Variants in ACOX1 observed in about 807,000 individuals in gnomAD.
ACOX1 encodes peroxisomal acyl-coenzyme A oxidase 1.
In ACOX1, 41 loss-of-function variants were observed where a neutral mutation model predicts 75.5. The ratio of observed to expected loss-of-function variants is 0.54; its 90% CI spans 0.42 to 0.70. ACOX1 has a LOEUF of 0.70. ACOX1 is among the 30% of genes least tolerant of loss of function. The probability of loss-of-function intolerance (pLI) is 0.00; values close to 1 mark genes in which losing one functional copy is unlikely to be tolerated. For synonymous variants in ACOX1, 303 were observed against 298.8 expected (o/e 1.01, Z -0.15); for missense variants, 630 against 837.5 (o/e 0.75, Z 3.06).
Position 75,979,089 on chromosome 17 carries a change from G to T in ACOX1, c.-16C>A. 6.2e-7 allele frequency: 1 copy of T among 1,610,100 alleles called. No homozygotes were observed. ...CCGGGTTCATGGCGACGACCAGCTG[G>T]CAGCGAAGTAAGCACCGACCGAGGT... On this transcript the variant is annotated 5_prime_UTR_variant, in exon 1 of 14. Transcript: ENST00000293217.
chr17:75,965,337 C>CAAAAAAAAAAAAA (rs11293371), intron 2 of ACOX1, among the ~76,000 whole-genome samples: 1 of 81,700 alleles, frequency 1.2e-5, no homozygotes, highest in African/African-American at 4.0e-5. Context: ...GACTCTGTCT[C>CAAAAAAAAAAAAA]AAAAAAAAAA....
intron 2 of ACOX1, among the ~76,000 whole-genome samples, chr17:75,969,551 G>C (rs536472428): frequency 6.6e-6 from 1 of 152,276 alleles, no homozygotes; most frequent in East Asian, 1.9e-4. Context: ...AGTCTCATGA[G>C]AAGTCCAACA....
At chr17:75,954,340 G>A (rs1184459743) in intron 6 of ACOX1, among the ~76,000 whole-genome samples, 1 of 151,502 alleles carries the variant, frequency 6.6e-6, no homozygotes, top group Non-Finnish European at 1.5e-5. Context: ...GGCCAACAGG[G>A]TGAAACCCCA....
In ACOX1 at chr17:75,943,724, C is replaced by G. The variant is rs188995260; in HGVS notation, c.*3024G>C. On this transcript the variant is annotated 3_prime_UTR_variant, in exon 14 of 14. Transcript: ENST00000293217. ...AGACAAGAACATGAGGGCCCCAAAG[C>G]CTGTGTCATCAACTCTGCTTTGAGG... 5 of 152,278 alleles carry G rather than the reference C, an allele frequency of 3.3e-5. No individual in the cohort carries two copies. The highest frequency in any genetic ancestry group is 9.6e-5 in the African/African-American group (4 of 41,556). The allele number at this position is 152,278 out of a possible 1,614,324, so 9.4% of individuals were successfully genotyped here.
intron 7 of ACOX1, 104 bp downstream of exon 7, chr17:75,953,347 G>T: frequency 1.5e-6 from 2 of 1,320,586 alleles, no homozygotes; most frequent in African/African-American, 1.4e-5. Context: ...AGCCAATTTT[G>T]CAGTGCTAAT....
At chr17:75,947,622 G>A (rs1194860901) in intron 13 of ACOX1, among the ~76,000 whole-genome samples, 2 of 152,044 alleles carry the variant, frequency 1.3e-5, no homozygotes, top group Non-Finnish European at 2.9e-5. Flanking sequence ...GATAGTCATT[G>A]CTGCTAGACA....
Position 75,946,302 on chromosome 17 carries a change from G to A in ACOX1, c.*446C>T. 5.1e-6 allele frequency: 1 copy of A among 195,016 alleles called. No individual in the cohort carries two copies. The highest frequency in any genetic ancestry group is 8.3e-5 in the South Asian group (1 of 12,018). 12.1% of individuals were successfully genotyped at this position (195,016 alleles called of 1,614,324 possible). A position where few individuals can be genotyped will look rare whatever the true frequency, so the allele number is the denominator to read the frequency against. The stretch of plus-strand genomic sequence containing the variant: ...TTTCTTCAATCCTGCTTTTAAGCCA[G>A]GCCCCAGGGTAAGTCTGGTAGAACA... On this transcript the variant is annotated 3_prime_UTR_variant, in exon 14 of 14. Coordinates refer to ENST00000293217, the MANE Select transcript of ACOX1 (RefSeq NM_004035.7).
chr17:75,979,001 C>G lies in ACOX1; in HGVS notation c.73G>C (p.Gly25Arg). The G allele has an allele frequency of 1.2e-6, 2 of 1,611,734 alleles. No individual in the cohort carries two copies. Among genetic ancestry groups the G allele is most frequent in the Non-Finnish European group, 1.7e-6 (2 of 1,179,992 alleles). ...NPELLTHILD[G>R]SPEKTRRRRE... ...CGGCGCCGGGTTTTCTCGGGGCTGC[C>G]GTCCAGGATGTGTGTAAGCAGCTCC... Residue 25 changes from glycine to arginine, a missense_variant, in exon 1 of 14, where the codon GGC becomes CGC. This residue lies in a region of ACOX1 where 390 missense variants were observed against 574.9 expected (regional missense o/e 0.68). Transcript: ENST00000293217.
intron 2 of ACOX1, among the ~76,000 whole-genome samples, chr17:75,966,523 G>A (rs1243369215): frequency 6.6e-6 from 1 of 151,540 alleles, no homozygotes; most frequent in Non-Finnish European, 1.5e-5. Flanking sequence ...AAAAGTCTTG[G>A]CTGGGCACGG....
rs902415755 is a variant in ACOX1, at chr17:75,973,840, A to G, written c.269+4694T>C. ...CCTTCCTTTAGAAACTGCATCCTAC[A>G]ACCCCTTCTTGCCAAACAGCTTTGG... On this transcript the variant is annotated intron_variant, in intron 2 of 13. Coordinates refer to ENST00000293217, the MANE Select transcript of ACOX1 (RefSeq NM_004035.7). The G allele has an allele frequency of 3.8e-6, 6 of 1,578,708 alleles. No homozygotes were observed. The Admixed American group carries it at 1.0e-4, about 27-fold the overall frequency.
chr17:75,967,621 T>TATAC (rs1567885004), intron 2 of ACOX1, among the ~76,000 whole-genome samples: 6 of 91,982 alleles, frequency 6.5e-5, no homozygotes, highest in African/African-American at 6.4e-4. Flanking sequence ...TATACATACA[T>TATAC]ATATATATAC....
intron 2 of ACOX1, among the ~76,000 whole-genome samples, chr17:75,976,838 A>G (rs1037083348): frequency 2.6e-5 from 4 of 152,134 alleles, no homozygotes; most frequent in African/African-American, 9.7e-5. Context: ...CATACGATTT[A>G]GTCTTTACCG....
At chr17:75,972,991 A>G (rs1414879013) in intron 2 of ACOX1, among the ~76,000 whole-genome samples, 1 of 152,218 alleles carries the variant, frequency 6.6e-6, no homozygotes, top group Non-Finnish European at 1.5e-5. Flanking sequence ...GGCCTTGTCT[A>G]TGAAAACAAA....
At position 75,978,873 on chromosome 17, in the gene ACOX1, A is replaced by G; in HGVS notation, c.109+92T>C. The G allele has an allele frequency of 6.3e-7, 1 of 1,598,886 alleles. No individual in the cohort carries two copies. Among genetic ancestry groups the G allele is most frequent in the South Asian group, 1.1e-5 (1 of 90,890 alleles). ...CCCGGCTCCCCTAACGCTGGGCCAG[A>G]GGGCCTAGGCCCCACAGCGCCCCTG... On this transcript the variant is annotated intron_variant, in intron 1 of 13. Coordinates refer to ENST00000293217, the MANE Select transcript of ACOX1 (RefSeq NM_004035.7). The surrounding 1 kb of genome is among the most constrained non-coding windows in gnomAD (Gnocchi z 4.2).
In ACOX1 at chr17:75,973,225, C is replaced by T. The variant is rs571662355; in HGVS notation, c.269+5309G>A. 1.5e-4 allele frequency: 36 copies of T among 239,110 alleles called. No individual in the cohort carries two copies. The South Asian group carries it at 1.7e-3, about 11-fold the overall frequency. 14.8% of individuals were successfully genotyped at this position (239,110 alleles called of 1,614,324 possible). On this transcript the variant is annotated intron_variant, in intron 2 of 13. Transcript: ENST00000293217. ...TGAGACAGGTAGCTGCCACTGCCTG[C>T]TGCCCCCATTAAAATCCACAGCTTT...
At position 75,960,451 on chromosome 17, in the gene ACOX1, C is replaced by A; in HGVS notation, c.270-76G>T. 1 of 1,504,022 alleles carries A rather than the reference C, an allele frequency of 6.6e-7. No individual in the cohort carries two copies. Among genetic ancestry groups the A allele is most frequent in the African/African-American group, 1.4e-5 (1 of 73,004 alleles). The allele number at this position is 1,504,022 out of a possible 1,614,324, so 93.2% of individuals were successfully genotyped here. The stretch of plus-strand genomic sequence containing the variant: ...GAGAGAATCAGCAATTTAAATAGAG[C>A]AAGGGAAGGAGACAAAAAAACCTTA... On this transcript the variant is annotated intron_variant, in intron 2 of 13. Coordinates refer to ENST00000293217, the MANE Select transcript of ACOX1 (RefSeq NM_004035.7). This position sits in a 1 kb window ranked among gnomAD's most constrained non-coding sequence, Gnocchi z 4.4.
At chr17:75,972,457 G>A (rs2066005615) in intron 2 of ACOX1, among the ~76,000 whole-genome samples, 1 of 151,114 alleles carries the variant, frequency 6.6e-6, no homozygotes, top group Non-Finnish European at 1.5e-5. Context: ...GACCAGCCTG[G>A]CCAACATGGA....
At chr17:75,955,357 TCTCA>T (rs1350430361) in intron 6 of ACOX1, among the ~76,000 whole-genome samples, 1 of 151,986 alleles carries the variant, frequency 6.6e-6, no homozygotes, top group Non-Finnish European at 1.5e-5. Context: ...AGAGATGGGT[TCTCA>T]CTATGTTGCC....
At chr17:75,964,642 T>C (rs554525801) in intron 2 of ACOX1, among the ~76,000 whole-genome samples, 36 of 152,332 alleles carry the variant, frequency 2.4e-4, no homozygotes, top group Admixed American at 2.0e-3. Context: ...CAGATGTGGA[T>C]GAAATTTAGA....
Sources: allele counts gnomAD v4.1 joint callset (sites outside exome capture counted in the v4.1 genomes callset), GRCh38; gene constraint gnomAD v4.1.1; regional missense constraint gnomAD v4.1.1; non-coding constraint Gnocchi (gnomAD v3.1); transcripts MANE v1.5; gene names NCBI Gene and HGNC (gene_info 2026-07-23, HGNC 2026-07-21).